Variants in PTPRD observed in about 807,000 individuals in gnomAD.
The protein encoded by PTPRD is receptor-type tyrosine-protein phosphatase delta.
Under a neutral mutation model 214.5 loss-of-function variants are expected in PTPRD, and 34 were observed. The ratio of observed to expected loss-of-function variants is 0.16; its 90% CI spans 0.12 to 0.21. The LOEUF (loss-of-function observed/expected upper bound fraction) is 0.21. Ranked by LOEUF, PTPRD falls within the 10% of genes least tolerant of loss-of-function variation. The pLI, the probability that PTPRD is intolerant of heterozygous loss-of-function variation, is 1.00. For missense variants in PTPRD, 2,545 were observed against 2,398.7 expected (o/e 1.06, Z -1.27); for synonymous variants, 1,128 against 845.7 (o/e 1.33, Z -5.79).
intron 3 of PTPRD, among the ~76,000 whole-genome samples, chr9:10,248,344 A>C (rs1186796534): frequency 6.6e-6 from 1 of 152,072 alleles, no homozygotes; most frequent in African/African-American, 2.4e-5. Context: ...TTACCATTCT[A>C]CAACCTCTAA....
At chr9:9,729,751 C>CAA (rs572111355) in intron 7 of PTPRD, among the ~76,000 whole-genome samples, 2,536 of 143,426 alleles carry the variant, frequency 0.018, 78 homozygotes, top group African/African-American at 0.06. Flanking sequence ...TGGTTTGCAA[C>CAA]AAAAAAAAAA....
At chr9:10,411,994 C>T (rs1256193506) in intron 2 of PTPRD, among the ~76,000 whole-genome samples, 1 of 151,704 alleles carries the variant, frequency 6.6e-6, no homozygotes, top group Non-Finnish European at 1.5e-5. Flanking sequence ...AATTAGCATG[C>T]ATTTAGACCT....
chr9:9,343,429 A>T (rs926986357), intron 9 of PTPRD, among the ~76,000 whole-genome samples: 10 of 152,116 alleles, frequency 6.6e-5, no homozygotes, highest in Non-Finnish European at 1.5e-4. Context: ...AACTGGTGTG[A>T]GTGGTATCTC....
At chr9:10,585,086 T>C (rs747050546) in intron 2 of PTPRD, among the ~76,000 whole-genome samples, 30 of 152,126 alleles carry the variant, frequency 2.0e-4, no homozygotes, top group Non-Finnish European at 3.8e-4. Context: ...AATTGTGAAA[T>C]AGGCTTATAT....
intron 32 of PTPRD, among the ~76,000 whole-genome samples, chr9:8,462,889 G>A (rs2096453096): frequency 6.6e-6 from 1 of 151,768 alleles, no homozygotes; most frequent in Non-Finnish European, 1.5e-5. Flanking sequence ...ACTCCTAGAA[G>A]GTAGGGATTT....
Position 9,897,676 on chromosome 9 carries a change from T to C in PTPRD, c.-368+40831A>G, listed in dbSNP as rs112056452. 8.1e-4 allele frequency among the ~76,000 whole-genome samples: 123 copies of C among 152,228 alleles called. 1 individual carries two copies. The highest frequency in any genetic ancestry group is 2.9e-3 in the African/African-American group (121 of 41,578). On this transcript the variant is annotated intron_variant, in intron 5 of 45. Transcript: ENST00000381196. ...TTTAAATTATAGCTGTTGATTCACCTATTGATTAGGATTTTACTCAAACAT... is the reference window on the plus strand; with the variant it reads ...TTTAAATTATAGCTGTTGATTCACCCATTGATTAGGATTTTACTCAAACAT...
At chr9:9,251,982 C>T (rs2099975646) in intron 9 of PTPRD, among the ~76,000 whole-genome samples, 1 of 152,028 alleles carries the variant, frequency 6.6e-6, no homozygotes, top group African/African-American at 2.4e-5. Flanking sequence ...ATTGTCTTTA[C>T]AACCTATATA....
At chr9:10,115,015 C>G (rs929570144) in intron 3 of PTPRD, among the ~76,000 whole-genome samples, 1 of 147,962 alleles carries the variant, frequency 6.8e-6, no homozygotes, top group Non-Finnish European at 1.5e-5. Flanking sequence ...TTTCTTGGAG[C>G]ATTACTTATT....
intron 11 of PTPRD, among the ~76,000 whole-genome samples, chr9:8,764,683 T>G (rs2094597939): frequency 6.6e-6 from 1 of 151,996 alleles, no homozygotes; most frequent in Non-Finnish European, 1.5e-5. Context: ...TAATCCCATC[T>G]ACTCAGGAGG....
At chr9:10,058,608 A>G (rs1365679794) in intron 3 of PTPRD, among the ~76,000 whole-genome samples, 2 of 152,098 alleles carry the variant, frequency 1.3e-5, no homozygotes, top group Non-Finnish European at 2.9e-5. Flanking sequence ...GATTAGACTA[A>G]GGTGGTAGTG....
chr9:9,414,923 G>C (rs1556526), intron 8 of PTPRD: 132,685 of 152,212 alleles, frequency 0.87, 57,965 homozygotes, highest in African/African-American at 0.9. Context: ...GGCATATGAC[G>C]TATGTGATCA....
intron 11 of PTPRD, among the ~76,000 whole-genome samples, chr9:8,789,775 C>T (rs990899784): frequency 2.0e-5 from 3 of 152,034 alleles, no homozygotes; most frequent in Admixed American, 6.6e-5. Flanking sequence ...GAATTCAACC[C>T]GTGTCTCACA....
intron 7 of PTPRD, among the ~76,000 whole-genome samples, chr9:9,646,151 T>C (rs1306437574): frequency 6.6e-6 from 1 of 152,212 alleles, no homozygotes; most frequent in Non-Finnish European, 1.5e-5. Flanking sequence ...CTGCCTAAAT[T>C]ACATATTTAG....
Position 8,523,538 on chromosome 9 carries a change from G to C in PTPRD, c.680-14C>G. The C allele has an allele frequency of 6.2e-7, 1 of 1,613,016 alleles. No individual in the cohort carries two copies. The highest frequency in any genetic ancestry group is 8.5e-7 in the Non-Finnish European group (1 of 1,179,396). ...CTTCTCGCAGCTCTGAGGGATGTAG[G>C]GGGTTTGATGCAGAACACAATGAAA... On this transcript the variant is annotated splice_polypyrimidine_tract_variant and intron_variant, in intron 18 of 45. Coordinates refer to ENST00000381196, the MANE Select transcript of PTPRD (RefSeq NM_002839.4).
intron 12 of PTPRD, among the ~76,000 whole-genome samples, chr9:8,683,909 T>G (rs1012148462): frequency 5.3e-5 from 8 of 152,148 alleles, no homozygotes; most frequent in Non-Finnish European, 1.0e-4. Flanking sequence ...AGAGAACTCA[T>G]CAGGAGACCA....
intron 2 of PTPRD, among the ~76,000 whole-genome samples, chr9:10,360,628 T>C (rs2154468173): frequency 6.6e-6 from 1 of 152,322 alleles, no homozygotes; most frequent in South Asian, 2.1e-4. Flanking sequence ...ACCAGAAGTT[T>C]TCTAATATTT....
chr9:10,414,774 C>A (rs1295160921), intron 2 of PTPRD, among the ~76,000 whole-genome samples: 4 of 151,840 alleles, frequency 2.6e-5, no homozygotes, highest in Admixed American at 1.3e-4. Context: ...AGAATGAGAT[C>A]ATATCTTTTG....
intron 2 of PTPRD, among the ~76,000 whole-genome samples, chr9:10,499,034 C>CA (rs543051835): frequency 0.2 from 158 of 792 alleles, 64 homozygotes; most frequent in Non-Finnish European, 1. Flanking sequence ...GACTCCGTCT[C>CA]AAAAAAAAAA....
At chr9:9,663,454 G>T (rs2096657163) in intron 7 of PTPRD, among the ~76,000 whole-genome samples, 1 of 151,374 alleles carries the variant, frequency 6.6e-6, no homozygotes, top group East Asian at 1.9e-4. Flanking sequence ...ATTCAACCCA[G>T]ATTGGTAGAA....
Sources: allele counts gnomAD v4.1 joint callset (sites outside exome capture counted in the v4.1 genomes callset), GRCh38; gene constraint gnomAD v4.1.1; transcripts MANE v1.5; gene names NCBI Gene and HGNC (gene_info 2026-07-23, HGNC 2026-07-21).